SLIT3: variants seen among roughly 807,000 people sequenced by gnomAD.
SLIT3 encodes slit homolog 3 protein.
A neutral mutation model predicts 184.0 loss-of-function variants in SLIT3; 68 were observed. The ratio of observed to expected loss-of-function variants is 0.37; its 90% confidence interval spans 0.30 to 0.45. The LOEUF (loss-of-function observed/expected upper bound fraction) is 0.45. Among genes scored for constraint, SLIT3 ranks in the 20% least tolerant of loss-of-function variants. SLIT3 has a pLI of 1.00. For missense variants in SLIT3, 1,707 were observed against 2,026.0 expected, an observed-to-expected ratio of 0.84 and a Z score of 3.02; for synonymous variants, 831 against 828.6, an observed-to-expected ratio of 1.00 and a Z score of -0.05.
At chr5:169,070,642 C>G (rs775044413) in intron 4 of SLIT3, among the ~76,000 whole-genome samples, 1 of 152,060 alleles carries the variant, frequency 6.6e-6, no homozygotes, top group Admixed American at 6.5e-5. Context: ...ACCAAGTGTT[C>G]GGTTCAGCAT....
intron 14 of SLIT3, among the ~76,000 whole-genome samples, chr5:168,767,432 C>G (rs933931116): frequency 6.6e-6 from 1 of 152,102 alleles, no homozygotes; most frequent in Non-Finnish European, 1.5e-5. Context: ...TCTTTATTAT[C>G]AGAGATAGCA....
intron 15 of SLIT3, among the ~76,000 whole-genome samples, chr5:168,761,318 T>A (rs1294090776): frequency 1.3e-5 from 2 of 151,988 alleles, no homozygotes; most frequent in African/African-American, 4.8e-5. Context: ...GCCCTTCAGC[T>A]CCTTCCTAAG....
chr5:169,075,715 C>T (rs1306792807), intron 4 of SLIT3, among the ~76,000 whole-genome samples: 1 of 152,202 alleles, frequency 6.6e-6, no homozygotes, highest in Non-Finnish European at 1.5e-5. Flanking sequence ...AACCACAGCA[C>T]ACTCTTCAGA....
At chr5:168,844,522 GACACACACACAT>G in intron 6 of SLIT3, 50 bp downstream of exon 6, 2 of 1,455,788 alleles carry the variant, frequency 1.4e-6, no homozygotes, top group Non-Finnish European at 1.9e-6. Flanking sequence ...TCCCCACACA[GACACACACACAT>G]ACACACACAT....
intron 4 of SLIT3, among the ~76,000 whole-genome samples, chr5:169,133,436 T>C (rs1484565081): frequency 2.6e-5 from 4 of 152,218 alleles, no homozygotes; most frequent in Admixed American, 6.5e-5. Flanking sequence ...CATCTATGCA[T>C]AGAGCCATGG....
At chr5:169,095,453 G>C (rs1291083154) in intron 4 of SLIT3, among the ~76,000 whole-genome samples, 4 of 152,152 alleles carry the variant, frequency 2.6e-5, no homozygotes, top group Non-Finnish European at 5.9e-5. Flanking sequence ...TGGTCCCTAG[G>C]ACATACTCTG....
At chr5:168,786,220 A>G (rs1299402009) in intron 11 of SLIT3, among the ~76,000 whole-genome samples, 4 of 152,158 alleles carry the variant, frequency 2.6e-5, no homozygotes, top group Non-Finnish European at 5.9e-5. Flanking sequence ...TTCCTGGGCA[A>G]CCTAGCCCAA....
In SLIT3 at chr5:168,712,350, G is replaced by C. The variant is rs1762585339; in HGVS notation, c.2488C>G (p.Leu830Val). 1 of 1,614,014 alleles carries C rather than the reference G, an allele frequency of 6.2e-7. No individual in the cohort carries two copies. Among genetic ancestry groups the C allele is most frequent in the Non-Finnish European group, 8.5e-7 (1 of 1,179,972 alleles). Residue 830 changes from leucine (L) to valine (V), a missense_variant, in exon 24 of 36, where the codon CTC becomes GTC. Transcript: ENST00000519560. ...NGLRSLRVLT[L>V]HGNDISSVPE... ...ACGCTGGAAATGTCATTGCCATGGA[G>C]GGTTCTGAAGCAGAGGGCACAGGTC...
At chr5:168,809,544 A>G (rs1757097681) in intron 8 of SLIT3, among the ~76,000 whole-genome samples, 1 of 152,182 alleles carries the variant, frequency 6.6e-6, no homozygotes, top group African/African-American at 2.4e-5. Flanking sequence ...ATCGATGCCA[A>G]TGGACCAAGC....
At chr5:169,131,137 A>G (rs920999099) in intron 4 of SLIT3, among the ~76,000 whole-genome samples, 5 of 152,218 alleles carry the variant, frequency 3.3e-5, no homozygotes, top group African/African-American at 1.2e-4. Context: ...TAGCTCACCC[A>G]TTGGCTGCAT....
chr5:168,719,331 C>T (rs894369178), intron 23 of SLIT3, among the ~76,000 whole-genome samples: 2 of 152,206 alleles, frequency 1.3e-5, no homozygotes, highest in South Asian at 2.1e-4. Flanking sequence ...GGATTACAGG[C>T]GTGAGCCACC....
intron 5 of SLIT3, among the ~76,000 whole-genome samples, chr5:168,845,106 G>A (rs975299163): frequency 5.9e-5 from 9 of 152,024 alleles, no homozygotes; most frequent in African/African-American, 1.9e-4. Flanking sequence ...TTTACTGGAA[G>A]TTGCAGTCTT....
intron 12 of SLIT3, among the ~76,000 whole-genome samples, chr5:168,775,071 CTT>C (rs1486597458): frequency 2.7e-5 from 4 of 149,026 alleles, no homozygotes; most frequent in Admixed American, 2.7e-4. Context: ...GAGTCTTGCT[CTT>C]GTCGCCCAGG....
chr5:169,276,178 G>A (rs73805053), intron 1 of SLIT3, among the ~76,000 whole-genome samples: 2,493 of 152,272 alleles, frequency 0.016, 73 homozygotes, highest in African/African-American at 0.057. Context: ...TGGCCCATCA[G>A]ACAACACAGT....
chr5:168,968,381 G>C (rs1354768343), intron 4 of SLIT3, among the ~76,000 whole-genome samples: 1 of 152,122 alleles, frequency 6.6e-6, no homozygotes, highest in African/African-American at 2.4e-5. Flanking sequence ...TTCACACTTG[G>C]ACAGCAGCAG....
chr5:168,670,417 G>T (rs1331386535), intron 34 of SLIT3, among the ~76,000 whole-genome samples: 1 of 152,154 alleles, frequency 6.6e-6, no homozygotes, highest in Non-Finnish European at 1.5e-5. Flanking sequence ...ACCCAGTATT[G>T]CTCTGAATTT....
chr5:168,906,340 G>A (rs1043665658), intron 4 of SLIT3, among the ~76,000 whole-genome samples: 9 of 152,206 alleles, frequency 5.9e-5, no homozygotes, highest in Admixed American at 5.2e-4. Context: ...TTTATTGGGA[G>A]CTATTCTCAA....
intron 4 of SLIT3, among the ~76,000 whole-genome samples, chr5:169,161,825 A>G (rs537412421): frequency 6.6e-6 from 1 of 152,248 alleles, no homozygotes; most frequent in Non-Finnish European, 1.5e-5. Flanking sequence ...TCTGGATTAT[A>G]GCCCAGCTCT....
intron 4 of SLIT3, among the ~76,000 whole-genome samples, chr5:168,971,037 C>T (rs1380997017): frequency 2.0e-5 from 3 of 152,174 alleles, no homozygotes; most frequent in African/African-American, 2.4e-5. Flanking sequence ...ATCCACAGGC[C>T]AGATGTTACT....
Sources: allele counts gnomAD v4.1 joint callset (sites outside exome capture counted in the v4.1 genomes callset), GRCh38; gene constraint gnomAD v4.1.1; transcripts MANE v1.5; gene names NCBI Gene and HGNC (gene_info 2026-07-23, HGNC 2026-07-21).